Variants in MYCBP2 observed in about 807,000 individuals in gnomAD.
MYCBP2 encodes E3 ubiquitin-protein ligase MYCBP2.
A neutral mutation model predicts 525.3 loss-of-function variants in MYCBP2; 120 were observed. The observed-to-expected ratio is 0.23, with a 90% CI of 0.20 to 0.27. MYCBP2 has a LOEUF of 0.27. MYCBP2 is among the 10% of genes least tolerant of loss of function. The pLI is 1.00. For synonymous variants in MYCBP2, 1,894 were observed against 1,955.8 expected, an observed-to-expected ratio of 0.97 and a Z score of 0.83; for missense variants, 4,149 against 5,657.1, an observed-to-expected ratio of 0.73 and a Z score of 8.55.
chr13:77,259,025 C>A (rs867093030), intron 13 of MYCBP2, among the ~76,000 whole-genome samples: 1 of 152,080 alleles, frequency 6.6e-6, no homozygotes, highest in Non-Finnish European at 1.5e-5. Context: ...GAGGCTGAGG[C>A]GAGTGTATCA....
At chr13:77,130,203 A>T (rs2154171214) in intron 52 of MYCBP2, among the ~76,000 whole-genome samples, 1 of 152,032 alleles carries the variant, frequency 6.6e-6, no homozygotes, top group South Asian at 2.1e-4. Context: ...GAACCAAAAA[A>T]GAGGACATTC....
In MYCBP2 at chr13:77,058,372, G is replaced by T. The variant is rs774942039; in HGVS notation, c.13175C>A (p.Pro4392His). ...YAKIACSKTH[P>H]CGHPCGGVKN... is the part of the protein sequence containing the mutation. Reference sequence around the variant, plus strand: ...AACACCCCCGCATGGATGGCCACAAGGATGCGTCTTACTACAGGCTATCTT... The same window carrying T: ...AACACCCCCGCATGGATGGCCACAATGATGCGTCTTACTACAGGCTATCTT... Residue 4392 changes from proline (P) to histidine (H), a missense_variant, in exon 78 of 83, where the codon CCT (proline) becomes CAT (histidine). Transcript: ENST00000544440. This position sits in a 1 kb window ranked among gnomAD's most constrained non-coding sequence, Gnocchi z 4.1. 6.8e-6 allele frequency: 11 copies of T among 1,613,466 alleles called. No individual in the cohort carries two copies. In the South Asian group the frequency reaches 1.1e-4, roughly 16 times the overall value.
At chr13:77,191,957 G>A (rs966020553) in intron 27 of MYCBP2, 144 bp from the exon 28 acceptor site, 2 of 767,218 alleles carry the variant, frequency 2.6e-6, no homozygotes, top group Non-Finnish European at 4.1e-6. Flanking sequence ...AACACTCTAA[G>A]AAGTCTGGAC....
chr13:77,204,980 A>C (rs1254392025), intron 26 of MYCBP2, among the ~76,000 whole-genome samples: 1 of 151,750 alleles, frequency 6.6e-6, no homozygotes, highest in Non-Finnish European at 1.5e-5. Context: ...GCGCATCAGC[A>C]TGGCACATGT....
intron 46 of MYCBP2, among the ~76,000 whole-genome samples, chr13:77,153,696 C>T (rs1203847441): frequency 6.6e-6 from 1 of 150,656 alleles, no homozygotes; most frequent in African/African-American, 2.4e-5. Context: ...AAAAGTTATT[C>T]TTGTATTTCC....
intron 4 of MYCBP2, among the ~76,000 whole-genome samples, chr13:77,274,711 C>T (rs1381614983): frequency 1.3e-5 from 2 of 152,136 alleles, no homozygotes; most frequent in African/African-American, 4.8e-5. Flanking sequence ...CCAATCCATG[C>T]TATCATCATC....
chr13:77,293,507 TC>T (rs1269410523), intron 2 of MYCBP2, among the ~76,000 whole-genome samples: 1 of 152,134 alleles, frequency 6.6e-6, no homozygotes. Flanking sequence ...AATAATAGCC[TC>T]CAAAAACTTC....
intron 3 of MYCBP2, among the ~76,000 whole-genome samples, chr13:77,286,528 C>T (rs2076781045): frequency 6.6e-6 from 1 of 150,500 alleles, no homozygotes; most frequent in Non-Finnish European, 1.5e-5. Context: ...CCGAGGCAGG[C>T]GGATCACGAG....
In MYCBP2 at chr13:77,098,361, C is replaced by T; in HGVS notation, c.8793G>A (p.Glu2931=). 2 of 1,613,118 alleles carry T rather than the reference C, an allele frequency of 1.2e-6. No individual in the cohort carries two copies. The highest frequency in any genetic ancestry group is 1.7e-6 in the Non-Finnish European group (2 of 1,179,824). The change falls in exon 56 of 83, where the codon GAG becomes GAA. Residue 2931 remains glutamate, a synonymous_variant. Transcript: ENST00000544440. Reference sequence around the variant, plus strand: ...TACTTGAGGTGCAGACTTCGACCACCTCACTGTGGAGGTTTTCCTGTACCA... The same window carrying T: ...TACTTGAGGTGCAGACTTCGACCACTTCACTGTGGAGGTTTTCCTGTACCA... The part of the protein sequence containing the change: ...PHVVQENLHS[E]VVEVCTSSTL...
At chr13:77,233,054 A>C in intron 18 of MYCBP2, 102 bp downstream of exon 18, 1 of 963,622 alleles carries the variant, frequency 1.0e-6, no homozygotes, top group South Asian at 1.5e-5. Context: ...GATAGAAGCA[A>C]AGTAGAAGAA....
intron 55 of MYCBP2, among the ~76,000 whole-genome samples, chr13:77,115,508 C>G (rs1313000034): frequency 6.6e-6 from 1 of 151,736 alleles, no homozygotes; most frequent in African/African-American, 2.4e-5. Flanking sequence ...TAGAATAACA[C>G]TTGAAATAAT....
chr13:77,181,951 A>G (rs745952498), intron 32 of MYCBP2, 29 bp from the exon 33 acceptor site: 6 of 1,553,120 alleles, frequency 3.9e-6, no homozygotes, highest in Middle Eastern at 1.7e-4. Context: ...TGGCCCCCCA[A>G]CCAAAAAATA....
chr13:77,090,439 T>G (rs1239719949), intron 59 of MYCBP2, 176 bp from the exon 60 acceptor site: 1 of 452,844 alleles, frequency 2.2e-6, no homozygotes, highest in Middle Eastern at 5.7e-4. Flanking sequence ...AGTAACATTT[T>G]GACTGATTTC....
intron 1 of MYCBP2, among the ~76,000 whole-genome samples, chr13:77,302,832 T>C (rs1327219012): frequency 6.6e-6 from 1 of 152,208 alleles, no homozygotes; most frequent in Non-Finnish European, 1.5e-5. Flanking sequence ...CATTTCTAAA[T>C]GGCAAAAGGG....
chr13:77,230,127 T>C (rs1340806362), intron 18 of MYCBP2, among the ~76,000 whole-genome samples: 1 of 152,224 alleles, frequency 6.6e-6, no homozygotes, highest in African/African-American at 2.4e-5. Context: ...AATATCTGCC[T>C]GTATAGGATG....
chr13:77,301,980 AAAAT>A (rs972501274), intron 1 of MYCBP2, among the ~76,000 whole-genome samples: 3 of 152,122 alleles, frequency 2.0e-5, no homozygotes, highest in Admixed American at 6.6e-5. Flanking sequence ...AAACAGGCCA[AAAAT>A]AAATAAATAA....
rs1218227157 is a variant in MYCBP2 at position 77,247,288 on chromosome 13, C to A, written c.2382-3337G>T. ...AGATACAAAGTCAACACACAAAAAT[C>A]AGTTGTATTTCTAGACACTAACAAT... On this transcript the variant is annotated intron_variant, in intron 15 of 82. Transcript: ENST00000544440. 3.3e-5 allele frequency among the ~76,000 whole-genome samples: 5 copies of A among 152,120 alleles called. No individual in the cohort carries two copies. The East Asian group carries it at 9.6e-4, about 29-fold the overall frequency.
In MYCBP2 at chr13:77,090,165, G is replaced by A; in HGVS notation, c.10466C>T (p.Ser3489Phe). The change falls in exon 60 of 83, where the codon TCC (serine) becomes TTC (phenylalanine). Residue 3489 changes from serine to phenylalanine, a missense_variant. Transcript: ENST00000544440. ...VVASEYDKQHSILPARVKAIP... is the reference protein window; with the variant it reads ...VVASEYDKQHFILPARVKAIP... ...AGCTTTAACTCGTGCAGGTAAAATG[G>A]AGTGTTGTTTATCATATTCGGAAGC... The A allele has an allele frequency of 1.2e-6, 2 of 1,612,706 alleles. No individual in the cohort carries two copies. The highest frequency in any genetic ancestry group is 8.5e-7 in the Non-Finnish European group (1 of 1,179,202).
intron 55 of MYCBP2, among the ~76,000 whole-genome samples, chr13:77,116,277 T>A (rs1489629806): frequency 1.3e-5 from 2 of 151,912 alleles, no homozygotes; most frequent in Non-Finnish European, 2.9e-5. Context: ...ATAAATCTCA[T>A]TTTACTAAAT....
Sources: allele counts gnomAD v4.1 joint callset (sites outside exome capture counted in the v4.1 genomes callset), GRCh38; gene constraint gnomAD v4.1.1; non-coding constraint Gnocchi (gnomAD v3.1); transcripts MANE v1.5; gene names NCBI Gene and HGNC (gene_info 2026-07-23, HGNC 2026-07-21).